IL1RAPL2: variants seen among roughly 807,000 people sequenced by gnomAD.
The protein encoded by IL1RAPL2 is X-linked interleukin-1 receptor accessory protein-like 2.
IL1RAPL2 carries 3 observed loss-of-function variants against 44.1 expected under a neutral mutation model. That is an observed-to-expected ratio of 0.07 (90% CI 0.03 to 0.18). IL1RAPL2 has a LOEUF of 0.18. Among genes scored for constraint, IL1RAPL2 ranks in the 10% least tolerant of loss-of-function variants. IL1RAPL2 has a pLI of 1.00. For missense variants in IL1RAPL2, 391 were observed against 496.4 expected, an observed-to-expected ratio of 0.79 and a Z score of 2.02; for synonymous variants, 181 against 178.8, an observed-to-expected ratio of 1.01 and a Z score of -0.10.
chrX:104,789,812 G>C (rs978792931), intron 2 of IL1RAPL2, among the ~76,000 whole-genome samples: 3 of 112,412 alleles, frequency 2.7e-5, no homozygotes, highest in South Asian at 3.7e-4. Context: ...ATCTTTAACA[G>C]TTACTAATTT....
intron 5 of IL1RAPL2, among the ~76,000 whole-genome samples, chrX:105,284,254 T>C (rs2034554159): frequency 8.9e-6 from 1 of 112,185 alleles, no homozygotes; most frequent in Non-Finnish European, 1.9e-5. Context: ...TTGGGGGGTC[T>C]TTTCCCCATT....
chrX:105,316,864 A>G (rs113502907), intron 5 of IL1RAPL2, among the ~76,000 whole-genome samples: 12,403 of 110,893 alleles, frequency 0.11, 1,726 homozygotes, highest in African/African-American at 0.39. Flanking sequence ...CATTGTTTAA[A>G]CATTCAGTTT....
chrX:104,957,886 G>A (rs1475635475), intron 2 of IL1RAPL2, among the ~76,000 whole-genome samples: 1 of 110,870 alleles, frequency 9.0e-6, no homozygotes, highest in East Asian at 2.9e-4. Flanking sequence ...TCAAGAGTTA[G>A]AGACAGCCTG....
chrX:105,068,214 A>G (rs2032162773), intron 2 of IL1RAPL2, among the ~76,000 whole-genome samples: 1 of 111,870 alleles, frequency 8.9e-6, no homozygotes, highest in Non-Finnish European at 1.9e-5. Context: ...TATTACTAGC[A>G]AATTCAGCAA....
chrX:105,008,614 A>C (rs1363606382), intron 2 of IL1RAPL2, among the ~76,000 whole-genome samples: 1 of 111,382 alleles, frequency 9.0e-6, no homozygotes. Context: ...AGATGGATTA[A>C]AGACTTACAT....
intron 6 of IL1RAPL2, among the ~76,000 whole-genome samples, chrX:105,599,792 G>A (rs1425884875): frequency 1.8e-5 from 2 of 110,877 alleles, no homozygotes; most frequent in African/African-American, 6.5e-5. Flanking sequence ...CTTTGGCGTA[G>A]TCCTTGCCTT....
intron 2 of IL1RAPL2, among the ~76,000 whole-genome samples, chrX:105,017,966 T>C (rs1462075304): frequency 3.6e-5 from 4 of 111,564 alleles, no homozygotes; most frequent in Non-Finnish European, 7.6e-5. Context: ...GGTAAGCTAC[T>C]GAATGCAACA....
intron 2 of IL1RAPL2, among the ~76,000 whole-genome samples, chrX:104,765,346 A>G (rs1337743402): frequency 1.8e-5 from 2 of 111,890 alleles, no homozygotes; most frequent in Non-Finnish European, 3.8e-5. Flanking sequence ...CAATTTATCC[A>G]AAAAACGTTT....
chrX:104,901,379 T>C (rs966078146), intron 2 of IL1RAPL2, among the ~76,000 whole-genome samples: 1 of 107,359 alleles, frequency 9.3e-6, no homozygotes, highest in Admixed American at 1.0e-4. Flanking sequence ...CCTGGCTAAT[T>C]TTTTTGTATT....
chrX:104,697,767 A>G (rs997521869), intron 2 of IL1RAPL2, among the ~76,000 whole-genome samples: 1 of 112,421 alleles, frequency 8.9e-6, no homozygotes, highest in Non-Finnish European at 1.9e-5. Flanking sequence ...AAAGATGTCT[A>G]TGACCCAAAC....
At chrX:105,245,626 A>G (rs1381236957) in intron 4 of IL1RAPL2, among the ~76,000 whole-genome samples, 2 of 112,743 alleles carry the variant, frequency 1.8e-5, no homozygotes, top group African/African-American at 3.2e-5. Flanking sequence ...TTTACAAATG[A>G]GAGATAAGGA....
intron 3 of IL1RAPL2, among the ~76,000 whole-genome samples, chrX:105,204,382 C>T (rs1556149567): frequency 9.0e-6 from 1 of 111,702 alleles, no homozygotes; most frequent in Non-Finnish European, 1.9e-5. Context: ...TGCTGCTTCT[C>T]CTCCACCTTC....
chrX:105,014,157 C>A (rs758436686), intron 2 of IL1RAPL2, among the ~76,000 whole-genome samples: 3 of 111,054 alleles, frequency 2.7e-5, no homozygotes, highest in South Asian at 3.7e-4. Flanking sequence ...ATATTTTTCC[C>A]CAGGGAACAT....
chrX:104,790,084 C>T (rs926920855), intron 2 of IL1RAPL2, among the ~76,000 whole-genome samples: 1 of 111,982 alleles, frequency 8.9e-6, no homozygotes, highest in Non-Finnish European at 1.9e-5. Context: ...TTTTATGGTG[C>T]TGCATGCATG....
chrX:105,357,650 G>A (rs1777304985), intron 5 of IL1RAPL2, among the ~76,000 whole-genome samples: 1 of 106,367 alleles, frequency 9.4e-6, no homozygotes, highest in Non-Finnish European at 1.9e-5. Context: ...CTGGTAGTTT[G>A]CTAAAAAAAA....
At chrX:104,915,956 C>G (rs1426107886) in intron 2 of IL1RAPL2, among the ~76,000 whole-genome samples, 73 of 111,776 alleles carry the variant, frequency 6.5e-4, no homozygotes, top group East Asian at 1.7e-3. Flanking sequence ...GTACCATGCT[C>G]TTTTGGTTAC....
chrX:105,264,502 A>G (rs6621951), intron 4 of IL1RAPL2, among the ~76,000 whole-genome samples: 1 of 111,435 alleles, frequency 9.0e-6, no homozygotes, highest in East Asian at 2.8e-4. Context: ...AAGAGTGCCA[A>G]TAATGGAACC....
At chrX:104,980,519 T>A (rs188338859) in intron 2 of IL1RAPL2, among the ~76,000 whole-genome samples, 1 of 112,703 alleles carries the variant, frequency 8.9e-6, no homozygotes, top group East Asian at 2.8e-4. Flanking sequence ...ACACACTCCA[T>A]GTAAAGTTGG....
chrX:105,359,237 A>G (rs1240100680), intron 5 of IL1RAPL2, among the ~76,000 whole-genome samples: 1 of 111,682 alleles, frequency 9.0e-6, no homozygotes, highest in Non-Finnish European at 1.9e-5. Flanking sequence ...TGCAACTTGA[A>G]CTGCCCTTTA....
Sources: allele counts gnomAD v4.1 joint callset (sites outside exome capture counted in the v4.1 genomes callset), GRCh38; gene constraint gnomAD v4.1.1; transcripts MANE v1.5; gene names NCBI Gene and HGNC (gene_info 2026-07-23, HGNC 2026-07-21).